Variants in ADARB2 observed in about 807,000 individuals in gnomAD.
ADARB2 encodes the protein inactive double-stranded RNA-specific editase B2.
In ADARB2, 25 loss-of-function variants were observed where a neutral mutation model predicts 62.2. The observed-to-expected ratio is 0.40, with a 90% CI of 0.29 to 0.56. The LOEUF is 0.56. ADARB2 is among the 20% of genes least tolerant of loss of function. ADARB2 has a pLI of 0.43. For synonymous variants in ADARB2, 572 were observed against 500.8 expected (o/e 1.14, Z -1.90); for missense variants, 1,071 against 1,077.4 (o/e 0.99, Z 0.08).
intron 6 of ADARB2, among the ~76,000 whole-genome samples, chr10:1,232,508 G>T (rs1263587701): frequency 1.2e-5 from 1 of 80,830 alleles, no homozygotes; most frequent in African/African-American, 2.9e-5. Flanking sequence ...ATGTGTATGT[G>T]GTATGTGCTG....
At chr10:1,491,808 C>T (rs866827119) in intron 1 of ADARB2, among the ~76,000 whole-genome samples, 1 of 152,144 alleles carries the variant, frequency 6.6e-6, no homozygotes, top group East Asian at 1.9e-4. Context: ...TTTCTGTCTC[C>T]GCTGTTCATG....
chr10:1,501,188 T>A (rs1052455683), intron 1 of ADARB2, among the ~76,000 whole-genome samples: 4 of 152,164 alleles, frequency 2.6e-5, no homozygotes, highest in African/African-American at 9.7e-5. Flanking sequence ...TGTACCTTTT[T>A]AAAGAAGTGA....
At chr10:1,584,553 T>C (rs923219190) in intron 1 of ADARB2, among the ~76,000 whole-genome samples, 1 of 152,146 alleles carries the variant, frequency 6.6e-6, no homozygotes, top group African/African-American at 2.4e-5. Context: ...AAAGTAAACA[T>C]TGTTTGGTCA....
chr10:1,419,855 G>T (rs1832837961), intron 1 of ADARB2, among the ~76,000 whole-genome samples: 1 of 152,196 alleles, frequency 6.6e-6, no homozygotes, highest in Non-Finnish European at 1.5e-5. Context: ...TGTTTTAAGA[G>T]TCTTTAGATA....
intron 1 of ADARB2, among the ~76,000 whole-genome samples, chr10:1,717,128 C>T (rs1228542237): frequency 3.5e-5 from 5 of 141,654 alleles, no homozygotes; most frequent in African/African-American, 1.3e-4. Context: ...GAAGCGGCTC[C>T]TCTGTCTCTG....
At chr10:1,444,632 C>A (rs1302723211) in intron 1 of ADARB2, among the ~76,000 whole-genome samples, 1 of 150,942 alleles carries the variant, frequency 6.6e-6, no homozygotes. Context: ...ATCTATTCAT[C>A]TGTCTATCCA....
chr10:1,188,426 T>G (rs976009087), intron 8 of ADARB2, among the ~76,000 whole-genome samples: 1 of 152,234 alleles, frequency 6.6e-6, no homozygotes, highest in Non-Finnish European at 1.5e-5. Context: ...GGTCAGTTCC[T>G]TGTTCCTTTC....
rs1381301452 is a variant in ADARB2 at position 1,737,302 on chromosome 10, C to CGTCTCTCT, written c.-160_-153dup. The stretch of plus-strand genomic sequence containing the variant: ...CAGGACTGAGCAGGAAAGCGCGCTC[C>CGTCTCTCT]GTCTCTCTGTCTCTCGAATTGTTCT... On this transcript the variant is annotated 5_prime_UTR_variant, in exon 1 of 10. Coordinates refer to ENST00000381312, the MANE Select transcript of ADARB2 (RefSeq NM_018702.4). The CGTCTCTCT allele has an allele frequency of 7.2e-6, 5 of 695,968 alleles. No individual in the cohort carries two copies. The African/African-American group carries it at 9.0e-5, about 12-fold the overall frequency. The allele number at this position is 695,968 out of a possible 1,614,324, so 43.1% of individuals were successfully genotyped here.
chr10:1,391,121 G>C (rs186328784), intron 1 of ADARB2, among the ~76,000 whole-genome samples: 2 of 152,256 alleles, frequency 1.3e-5, no homozygotes, highest in Admixed American at 1.3e-4. Flanking sequence ...CAGCTACTTA[G>C]GTCACAAGTC....
chr10:1,309,260 G>A (rs533875206), intron 3 of ADARB2, among the ~76,000 whole-genome samples: 1 of 152,360 alleles, frequency 6.6e-6, no homozygotes, highest in East Asian at 1.9e-4. Context: ...AGAAAGAAAT[G>A]TGCCATTGCT....
chr10:1,733,660 A>AT (rs889822267), intron 1 of ADARB2, among the ~76,000 whole-genome samples: 11 of 152,068 alleles, frequency 7.2e-5, no homozygotes, highest in Admixed American at 6.5e-4. Flanking sequence ...TTTCTTTATT[A>AT]TTTTTTGGTT....
At chr10:1,464,264 C>A (rs1831217866) in intron 1 of ADARB2, among the ~76,000 whole-genome samples, 1 of 125,386 alleles carries the variant, frequency 8.0e-6, no homozygotes, top group African/African-American at 2.9e-5. Flanking sequence ...AGAGGGTGGA[C>A]ACACACTCCC....
chr10:1,653,388 C>T (rs1391310810), intron 1 of ADARB2, among the ~76,000 whole-genome samples: 1 of 152,160 alleles, frequency 6.6e-6, no homozygotes, highest in African/African-American at 2.4e-5. Context: ...AGTCCAGGGG[C>T]ATGAAGAGGC....
chr10:1,722,275 A>G (rs1224126107), intron 1 of ADARB2, among the ~76,000 whole-genome samples: 2 of 152,226 alleles, frequency 1.3e-5, no homozygotes, highest in African/African-American at 4.8e-5. Context: ...ATTATTGTGC[A>G]TGCAGATTTA....
intron 3 of ADARB2, among the ~76,000 whole-genome samples, chr10:1,301,127 G>A (rs1324381409): frequency 3.9e-5 from 6 of 152,202 alleles, no homozygotes; most frequent in Non-Finnish European, 5.9e-5. Context: ...ATTACGGAAC[G>A]CTTTCTTGTC....
At chr10:1,224,987 T>C (rs987499615) in intron 6 of ADARB2, among the ~76,000 whole-genome samples, 2 of 152,112 alleles carry the variant, frequency 1.3e-5, no homozygotes, top group Non-Finnish European at 2.9e-5. Flanking sequence ...CTTTCTGTCT[T>C]GTTGATCTGT....
intron 1 of ADARB2, among the ~76,000 whole-genome samples, chr10:1,611,225 G>A (rs1234359218): frequency 6.6e-6 from 1 of 152,124 alleles, no homozygotes; most frequent in Non-Finnish European, 1.5e-5. Context: ...GGCGCGGAGT[G>A]AATGCATCTT....
At chr10:1,666,903 T>C (rs1480282545) in intron 1 of ADARB2, among the ~76,000 whole-genome samples, 1 of 152,220 alleles carries the variant, frequency 6.6e-6, no homozygotes, top group Non-Finnish European at 1.5e-5. Context: ...ACCCATTTGC[T>C]CAGGGTAACA....
intron 7 of ADARB2, among the ~76,000 whole-genome samples, chr10:1,213,439 C>T (rs12415209): frequency 0.15 from 23,432 of 152,084 alleles, 2,013 homozygotes; most frequent in East Asian, 0.28. Context: ...GGCTGGGCTT[C>T]GAGGGGCCTG....
Sources: allele counts gnomAD v4.1 joint callset (sites outside exome capture counted in the v4.1 genomes callset), GRCh38; gene constraint gnomAD v4.1.1; transcripts MANE v1.5; gene names NCBI Gene and HGNC (gene_info 2026-07-23, HGNC 2026-07-21).